GUSB: variants seen among roughly 807,000 people sequenced by gnomAD.
The protein encoded by GUSB is beta-glucuronidase.
In GUSB, 51 loss-of-function variants were observed where a neutral mutation model predicts 74.6. The ratio of observed to expected loss-of-function variants is 0.68; its 90% CI spans 0.55 to 0.86. GUSB has a LOEUF of 0.86. Ranked by LOEUF, GUSB falls within the 40% of genes least tolerant of loss-of-function variation. The probability of loss-of-function intolerance (pLI) is 0.00; values close to 1 mark genes in which losing one functional copy is unlikely to be tolerated. For synonymous variants in GUSB, 360 were observed against 348.3 expected, an observed-to-expected ratio of 1.03 and a Z score of -0.37; for missense variants, 736 against 853.7, an observed-to-expected ratio of 0.86 and a Z score of 1.72.
intron 9 of GUSB, 36 bp from the exon 10 acceptor site, chr7:65,967,943 G>A: frequency 6.4e-7 from 1 of 1,571,456 alleles, no homozygotes; most frequent in Non-Finnish European, 8.7e-7. Flanking sequence ...TCAGCACTCA[G>A]TAGACAGCAT....
At chr7:65,966,119 G>A (rs139236130) in intron 10 of GUSB, among the ~76,000 whole-genome samples, 3,117 of 151,952 alleles carry the variant, frequency 0.021, 34 homozygotes, top group Non-Finnish European at 0.033. Flanking sequence ...GCAGTGAGCC[G>A]AGATCGCGCC....
rs755211573 is a variant in GUSB at position 65,976,122 on chromosome 7, C to G, written c.805G>C (p.Val269Leu). ...EVRLLDAENK[V>L]VANGTGTQGQ... Reference sequence around the variant, plus strand: ...TGGGTCCCAGTCCCATTCGCCACGACTTTGTTTTCTGCATCCAAAAGACGC... The same window carrying G: ...TGGGTCCCAGTCCCATTCGCCACGAGTTTGTTTTCTGCATCCAAAAGACGC... Residue 269 changes from valine (V) to leucine (L), a missense_variant, in exon 5 of 12, where the codon GTC becomes CTC. Val to Leu is a conservative substitution (Grantham distance 32). This residue lies in a region of GUSB where 368 missense variants were observed against 363.8 expected (regional missense o/e 1.01). Coordinates refer to ENST00000304895, the MANE Select transcript of GUSB (RefSeq NM_000181.4). The G allele has an allele frequency of 3.5e-5, 56 of 1,613,832 alleles. No homozygotes were observed. Among genetic ancestry groups the G allele is most frequent in the Non-Finnish European group, 4.7e-5 (56 of 1,179,944 alleles).
chr7:65,964,601 G>T (rs2115839707), intron 10 of GUSB, 143 bp from the exon 11 acceptor site: 1 of 719,556 alleles, frequency 1.4e-6, no homozygotes. Flanking sequence ...CTGATGCTGG[G>T]GTAAAGACAG....
rs779467024 is a variant in GUSB, at chr7:65,964,318, CTTACACTGTTCAG to C, written c.1781_1789+4del. 1 of 1,611,404 alleles carries C rather than the reference CTTACACTGTTCAG, an allele frequency of 6.2e-7. No individual in the cohort carries two copies. Among genetic ancestry groups the C allele is most frequent in the Non-Finnish European group, 8.5e-7 (1 of 1,179,276 alleles). On this transcript the variant is annotated splice_donor_variant and splice_donor_region_variant and coding_sequence_variant and intron_variant, in exon 11 of 12. Coordinates refer to ENST00000304895, the MANE Select transcript of GUSB (RefSeq NM_000181.4). LOFTEE classifies it high-confidence loss of function. ...CGTTATCCCATGAGCCAAACTGCCA[CTTACACTGTTCAG>C]TCATGAAATCGGCAAAATTCCAAAT... is the stretch of plus-strand genomic sequence containing the variant.
chr7:65,979,686 G>A (rs372648212), intron 3 of GUSB, 41 bp downstream of exon 3: 343 of 1,597,694 alleles, frequency 2.1e-4, no homozygotes, highest in African/African-American at 6.3e-4. Flanking sequence ...AGGGTGGGGC[G>A]GGAAGGTGGG....
At position 65,980,269 on chromosome 7, in the gene GUSB, T is replaced by C. The variant is rs532399422; in HGVS notation, c.351A>G (p.Thr117=). The change falls in exon 2 of 12, where the codon ACA becomes ACG. Residue 117 remains threonine (T), a synonymous_variant. Coordinates refer to ENST00000304895, the MANE Select transcript of GUSB (RefSeq NM_000181.4). ...LPERWTQDLR[T]RVVLRIGSAH... ...CACTGCCAATCCTCAGCACCACTCTTGTGCGCAGGTCCTGGGTCCATCGCT... is the reference window on the plus strand; with the variant it reads ...CACTGCCAATCCTCAGCACCACTCTCGTGCGCAGGTCCTGGGTCCATCGCT... 4.6e-6 allele frequency: 7 copies of C among 1,518,844 alleles called. No homozygotes were observed. In the East Asian group the frequency reaches 1.9e-4, roughly 41 times the overall value. 94.1% of individuals were successfully genotyped at this position (1,518,844 alleles called of 1,614,324 possible).
chr7:65,961,178 T>C, intron 11 of GUSB, 115 bp from the exon 12 acceptor site: 1 of 1,058,260 alleles, frequency 9.4e-7, no homozygotes, highest in Non-Finnish European at 1.4e-6. Context: ...TTTTCTTTTT[T>C]CTCCCTGTTG....
intron 5 of GUSB, chr7:65,975,811 A>T: frequency 1.9e-6 from 1 of 535,420 alleles, no homozygotes; most frequent in South Asian, 2.2e-5. Context: ...TGATCAGGCC[A>T]TTGCACTCCA....
chr7:65,970,452 C>T (rs1444528150), intron 8 of GUSB, 86 bp from the exon 9 acceptor site: 27 of 846,342 alleles, frequency 3.2e-5, no homozygotes, highest in South Asian at 2.7e-4. Flanking sequence ...CATCTTCCAC[C>T]GCCAGAACAC....
chr7:65,972,042 A>AAAAT lies in GUSB; in HGVS notation c.1392-1680_1392-1677dup, dbSNP rs1044584682. On this transcript the variant is annotated intron_variant, in intron 8 of 11. Transcript: ENST00000304895. ...CAACAAGTGCAAAACTCCATCTCAA[A>AAAAT]AAATAAATAAATAAATAAGAAGAAA... Among the ~76,000 whole-genome samples, 7 of 152,202 alleles carry AAAAT rather than the reference A, an allele frequency of 4.6e-5. 1 individual carries two copies. Among genetic ancestry groups the AAAAT allele is most frequent in the South Asian group, 4.1e-4 (2 of 4,834 alleles).
At chr7:65,963,584 T>C (rs1305782074) in intron 11 of GUSB, among the ~76,000 whole-genome samples, 3 of 74,588 alleles carry the variant, frequency 4.0e-5, no homozygotes, top group Non-Finnish European at 8.0e-5. Context: ...CTCACTCTGT[T>C]GTCCAGGCTC....
At chr7:65,981,785 C>T (rs1162364208) in intron 1 of GUSB, 189 bp downstream of exon 1, 1 of 568,490 alleles carries the variant, frequency 1.8e-6, no homozygotes, top group South Asian at 2.3e-5. Flanking sequence ...CTGCCTAATC[C>T]GCCCCGGCCC....
Position 65,974,381 on chromosome 7 carries a change from A to G in GUSB, c.1305T>C (p.Arg435=), listed in dbSNP as rs1791416874. Residue 435 remains arginine, a synonymous_variant, in exon 8 of 12, where the codon CGT becomes CGC. Transcript: ENST00000304895. ...CGACCGCGGGGTGGTTCTTGTCCCTACGCACCACTTCTTCCATCACCTGCA... is the reference window on the plus strand; with the variant it reads ...CGACCGCGGGGTGGTTCTTGTCCCTGCGCACCACTTCTTCCATCACCTGCA... ...HHMQVMEEVV[R]RDKNHPAVVM... is the part of the protein sequence containing the mutation. The G allele has an allele frequency of 1.2e-6, 2 of 1,614,124 alleles. No homozygotes were observed. Among genetic ancestry groups the G allele is most frequent in the East Asian group, 2.2e-5 (1 of 44,866 alleles).
At chr7:65,963,604 G>A (rs1010232560) in intron 11 of GUSB, among the ~76,000 whole-genome samples, 2 of 152,164 alleles carry the variant, frequency 1.3e-5, no homozygotes, top group African/African-American at 4.8e-5. Flanking sequence ...CTTGTGCAGT[G>A]GTGCAATCAT....
chr7:65,981,922 A>G, intron 1 of GUSB, 52 bp downstream of exon 1: 1 of 1,491,196 alleles, frequency 6.7e-7, no homozygotes, highest in East Asian at 2.4e-5. Context: ...GGGCTCCCCT[A>G]CTCCCACCGC....
chr7:65,966,506 C>T (rs34970380), intron 10 of GUSB, among the ~76,000 whole-genome samples: 16,924 of 151,428 alleles, frequency 0.11, 1,102 homozygotes, highest in South Asian at 0.2. Context: ...AAAAAAATGA[C>T]GACAGGCTGG....
intron 8 of GUSB, among the ~76,000 whole-genome samples, chr7:65,972,777 T>C (rs1269793374): frequency 6.6e-6 from 1 of 152,138 alleles, no homozygotes; most frequent in Non-Finnish European, 1.5e-5. Flanking sequence ...AAGCCTGTAC[T>C]CTTCCCCTTC....
chr7:65,979,323 T>C, intron 4 of GUSB, 76 bp downstream of exon 4: 3 of 1,421,086 alleles, frequency 2.1e-6, no homozygotes, highest in Admixed American at 1.7e-5. Flanking sequence ...ACCTTTTTCC[T>C]GGGAGAGCTT....
At chr7:65,972,624 C>G (rs942745012) in intron 8 of GUSB, among the ~76,000 whole-genome samples, 1 of 152,178 alleles carries the variant, frequency 6.6e-6, no homozygotes, top group African/African-American at 2.4e-5. Context: ...CTCCAACAGC[C>G]AGGCTCTCAG....
Sources: allele counts gnomAD v4.1 joint callset (sites outside exome capture counted in the v4.1 genomes callset), GRCh38; gene constraint gnomAD v4.1.1; regional missense constraint gnomAD v4.1.1; transcripts MANE v1.5; gene names NCBI Gene and HGNC (gene_info 2026-07-23, HGNC 2026-07-21).